Variants in GLRB observed in about 807,000 individuals in gnomAD.
The protein encoded by GLRB is glycine receptor beta, also known as glycine receptor subunit beta.
GLRB carries 33 observed loss-of-function variants against 54.2 expected under a neutral mutation model. The ratio of observed to expected loss-of-function variants is 0.61; its 90% CI spans 0.46 to 0.81. The LOEUF (loss-of-function observed/expected upper bound fraction) is 0.81, where lower values mean the gene tolerates loss of function less well. Among genes scored for constraint, GLRB ranks in the 40% least tolerant of loss-of-function variants. The pLI, the probability that GLRB is intolerant of heterozygous loss-of-function variation, is 0.00. For synonymous variants in GLRB, 209 were observed against 208.2 expected, an observed-to-expected ratio of 1.00 and a Z score of -0.03; for missense variants, 572 against 584.6, an observed-to-expected ratio of 0.98 and a Z score of 0.22.
At chr4:157,121,975 G>A in intron 3 of GLRB, among the ~76,000 whole-genome samples, 1 of 150,918 alleles carries the variant, frequency 6.6e-6, no homozygotes, top group East Asian at 2.0e-4. Flanking sequence ...TTTTCAAAAT[G>A]ATTCTTTAAG....
chr4:157,136,302 T>C (rs1736396003), intron 4 of GLRB, 167 bp from the exon 5 acceptor site: 3 of 621,364 alleles, frequency 4.8e-6, no homozygotes, highest in Non-Finnish European at 2.9e-6. Flanking sequence ...TTTATACTGC[T>C]AATGGAGCTC....
intron 4 of GLRB, among the ~76,000 whole-genome samples, chr4:157,125,374 G>T (rs1735980703): frequency 6.6e-6 from 1 of 151,808 alleles, no homozygotes; most frequent in Non-Finnish European, 1.5e-5. Context: ...TTGTGTTTGA[G>T]TCTGTTGTGT....
chr4:157,159,149 T>G (rs531393672), intron 9 of GLRB, among the ~76,000 whole-genome samples: 4 of 152,284 alleles, frequency 2.6e-5, no homozygotes, highest in African/African-American at 9.6e-5. Context: ...TATTGGTGTA[T>G]AGGAATGCTT....
At chr4:157,094,776 A>G (rs901374412) in intron 2 of GLRB, among the ~76,000 whole-genome samples, 1 of 152,204 alleles carries the variant, frequency 6.6e-6, no homozygotes, top group Non-Finnish European at 1.5e-5. Flanking sequence ...AAATGGCATA[A>G]GCATTTGGTA....
At chr4:157,125,426 A>C (rs1191341798) in intron 4 of GLRB, among the ~76,000 whole-genome samples, 1 of 151,860 alleles carries the variant, frequency 6.6e-6, no homozygotes, top group Non-Finnish European at 1.5e-5. Context: ...TTACAAAATT[A>C]AAACAACGGT....
At chr4:157,087,258 T>C (rs941676592) in intron 2 of GLRB, among the ~76,000 whole-genome samples, 2 of 152,154 alleles carry the variant, frequency 1.3e-5, no homozygotes, top group Non-Finnish European at 2.9e-5. Flanking sequence ...TTTGTACGTC[T>C]ACTAAATCAT....
intron 9 of GLRB, among the ~76,000 whole-genome samples, chr4:157,159,530 T>G (rs144709899): frequency 0.024 from 3,634 of 151,970 alleles, 58 homozygotes; most frequent in African/African-American, 0.046. Flanking sequence ...TTATTGAGAG[T>G]TTTTAGCATG....
intron 4 of GLRB, among the ~76,000 whole-genome samples, chr4:157,129,759 T>C (rs1000758315): frequency 1.3e-5 from 2 of 151,662 alleles, no homozygotes; most frequent in Non-Finnish European, 3.0e-5. Context: ...TTGAGCTTTT[T>C]TTTTGTGGTG....
chr4:157,091,911 C>T (rs1412654852), intron 2 of GLRB, among the ~76,000 whole-genome samples: 1 of 152,156 alleles, frequency 6.6e-6, no homozygotes, highest in African/African-American at 2.4e-5. Context: ...TCCTTCTAGT[C>T]CCAGCTAAGT....
intron 9 of GLRB, among the ~76,000 whole-genome samples, chr4:157,156,671 T>A (rs1237877807): frequency 6.6e-6 from 1 of 152,200 alleles, no homozygotes; most frequent in Non-Finnish European, 1.5e-5. Context: ...CCATTTGGTA[T>A]GTGTGTATTT....
chr4:157,131,195 G>A (rs1284059677), intron 4 of GLRB, among the ~76,000 whole-genome samples: 1 of 151,738 alleles, frequency 6.6e-6, no homozygotes, highest in Non-Finnish European at 1.5e-5. Flanking sequence ...GTTTTAGTGT[G>A]ATATTGAAAG....
intron 2 of GLRB, among the ~76,000 whole-genome samples, chr4:157,097,476 G>A (rs1734854840): frequency 6.6e-6 from 1 of 152,116 alleles, no homozygotes. Context: ...AAGTATGAGA[G>A]ATACAAGTAT....
At chr4:157,127,678 G>A (rs1342541906) in intron 4 of GLRB, among the ~76,000 whole-genome samples, 1 of 151,818 alleles carries the variant, frequency 6.6e-6, no homozygotes, top group Non-Finnish European at 1.5e-5. Context: ...CAGGGTCAGT[G>A]GTAGTAGCTG....
chr4:157,077,241 G>C (rs1224933384), intron 1 of GLRB, among the ~76,000 whole-genome samples: 1 of 151,976 alleles, frequency 6.6e-6, no homozygotes, highest in Non-Finnish European at 1.5e-5. Flanking sequence ...TTAAAATATG[G>C]CTAGGACGAT....
chr4:157,141,044 G>C (rs909632392), intron 7 of GLRB, among the ~76,000 whole-genome samples: 1 of 151,790 alleles, frequency 6.6e-6, no homozygotes, highest in African/African-American at 2.4e-5. Context: ...TTTCAATGTG[G>C]TAAACAAGTA....
intron 4 of GLRB, among the ~76,000 whole-genome samples, chr4:157,131,260 G>A (rs1176026265): frequency 6.6e-6 from 1 of 151,524 alleles, no homozygotes; most frequent in Non-Finnish European, 1.5e-5. Flanking sequence ...TCTTAACCTT[G>A]TATTTCTTGA....
intron 2 of GLRB, among the ~76,000 whole-genome samples, chr4:157,116,024 T>A (rs1735596609): frequency 6.6e-6 from 1 of 151,846 alleles, no homozygotes; most frequent in Admixed American, 6.6e-5. Flanking sequence ...GAAATGAAAC[T>A]GTGCACTGTG....
chr4:157,145,884 G>A (rs1267230685), intron 8 of GLRB, among the ~76,000 whole-genome samples: 1 of 152,074 alleles, frequency 6.6e-6, no homozygotes, highest in Non-Finnish European at 1.5e-5. Flanking sequence ...GAGCATGCTT[G>A]GACATTGGGG....
intron 8 of GLRB, among the ~76,000 whole-genome samples, chr4:157,148,446 G>A (rs980245617): frequency 1.3e-5 from 2 of 152,214 alleles, no homozygotes; most frequent in East Asian, 1.9e-4. Context: ...ATTGCTGAAA[G>A]TAGGACTCAG....
Sources: allele counts gnomAD v4.1 joint callset (sites outside exome capture counted in the v4.1 genomes callset), GRCh38; gene constraint gnomAD v4.1.1; transcripts MANE v1.5; gene names NCBI Gene and HGNC (gene_info 2026-07-23, HGNC 2026-07-21).